BSDC1: variants seen among roughly 807,000 people sequenced by gnomAD.
BSDC1 encodes BSD domain-containing protein 1.
Under a neutral mutation model 56.0 loss-of-function variants are expected in BSDC1, and 29 were observed. That is an observed-to-expected ratio of 0.52 (90% CI 0.39 to 0.71). The LOEUF (loss-of-function observed/expected upper bound fraction) is 0.71. Among genes scored for constraint, BSDC1 ranks in the 30% least tolerant of loss-of-function variants. BSDC1 has a pLI of 0.00. For synonymous variants in BSDC1, 210 were observed against 215.3 expected (o/e 0.98, Z 0.21); for missense variants, 477 against 548.5 (o/e 0.87, Z 1.30).
intron 2 of BSDC1, among the ~76,000 whole-genome samples, chr1:32,389,024 T>G (rs189296987): frequency 0.01 from 1,522 of 151,242 alleles, 16 homozygotes; most frequent in Non-Finnish European, 0.017. Flanking sequence ...GCGCGATCTC[T>G]GCTCACTGCA....
chr1:32,371,557 G>A (rs1642087887), intron 9 of BSDC1, among the ~76,000 whole-genome samples: 2 of 151,880 alleles, frequency 1.3e-5, no homozygotes, highest in South Asian at 2.1e-4. Context: ...TGATCTGCCC[G>A]CCTCGGCTTC....
intron 2 of BSDC1, among the ~76,000 whole-genome samples, chr1:32,390,350 G>A (rs772774608): frequency 6.6e-6 from 1 of 152,186 alleles, no homozygotes; most frequent in Non-Finnish European, 1.5e-5. Flanking sequence ...AAGATGGAGA[G>A]GATGAGACTG....
At chr1:32,394,211 C>T in intron 1 of BSDC1, 71 bp from the exon 2 acceptor site, 1 of 1,577,158 alleles carries the variant, frequency 6.3e-7, no homozygotes, top group Non-Finnish European at 8.6e-7. Flanking sequence ...GGTTTGTTCC[C>T]CGCTCAGATG....
rs1031303126 is a variant in BSDC1, at chr1:32,364,701, A to G, written c.*1921T>C. ...GATCCACCCACCTTGGCCTCCCAAA[A>G]TGTTGGGATTACAGGCATGAGCCAC... On this transcript the variant is annotated 3_prime_UTR_variant, in exon 11 of 11. Coordinates refer to ENST00000455895, the MANE Select transcript of BSDC1 (RefSeq NM_018045.8). 5.9e-5 allele frequency among the ~76,000 whole-genome samples: 9 copies of G among 152,172 alleles called. No individual in the cohort carries two copies. Among genetic ancestry groups the G allele is most frequent in the Middle Eastern group, 3.2e-3 (1 of 316 alleles).
chr1:32,383,604 A>G (rs964459139), intron 4 of BSDC1, among the ~76,000 whole-genome samples: 1 of 152,228 alleles, frequency 6.6e-6, no homozygotes, highest in African/African-American at 2.4e-5. Context: ...AACAAATGTA[A>G]GGTTATATAC....
At position 32,376,686 on chromosome 1, in the gene BSDC1, G is replaced by A. The variant is rs1557643027; in HGVS notation, c.732C>T (p.Ala244=). 11 of 1,421,544 alleles carry A rather than the reference G, an allele frequency of 7.7e-6. No individual in the cohort carries two copies. Among genetic ancestry groups the A allele is most frequent in the Non-Finnish European group, 1.0e-5 (11 of 1,075,938 alleles). 88.1% of individuals were successfully genotyped at this position (1,421,544 alleles called of 1,614,324 possible). A position where few individuals can be genotyped will look rare whatever the true frequency, so the allele number is the denominator to read the frequency against. ...ISPKEAKVPV[A]KISTFPEGEP... is the part of the protein sequence containing the mutation. ...CTCCTTCAGGGAATGTAGAAATTTT[G>A]GCCACAGGAACCTTTGCCTCTTTTG... The change falls in exon 9 of 11, where the codon GCC becomes GCT. Residue 244 remains alanine (A), a synonymous_variant. Transcript: ENST00000455895.
chr1:32,390,648 T>C (rs1027246320), intron 2 of BSDC1, among the ~76,000 whole-genome samples: 1 of 152,144 alleles, frequency 6.6e-6, no homozygotes, highest in Non-Finnish European at 1.5e-5. Flanking sequence ...TGGTGGCTCA[T>C]GCCTGTAGTC....
At chr1:32,393,083 C>T (rs1385547884) in intron 2 of BSDC1, among the ~76,000 whole-genome samples, 1 of 152,082 alleles carries the variant, frequency 6.6e-6, no homozygotes, top group Non-Finnish European at 1.5e-5. Flanking sequence ...CAAAAATACT[C>T]CCAGAGTAGA....
chr1:32,382,852 A>G (rs1405260892), intron 4 of BSDC1, among the ~76,000 whole-genome samples: 3 of 141,524 alleles, frequency 2.1e-5, no homozygotes, highest in African/African-American at 8.3e-5. Context: ...CCTGGGTGAC[A>G]GAGTGAGACC....
At chr1:32,384,554 G>T (rs949517868) in intron 3 of BSDC1, among the ~76,000 whole-genome samples, 5 of 152,112 alleles carry the variant, frequency 3.3e-5, no homozygotes, top group African/African-American at 1.2e-4. Flanking sequence ...CTGCAGCATT[G>T]TAATACTGCA....
At chr1:32,386,547 T>C (rs1007146573) in intron 3 of BSDC1, 1 of 403,210 alleles carries the variant, frequency 2.5e-6, no homozygotes, top group African/African-American at 2.1e-5. Context: ...ATGAATGACT[T>C]TGCTAATGGA....
chr1:32,379,861 T>A (rs1642422185), intron 5 of BSDC1, among the ~76,000 whole-genome samples: 1 of 152,224 alleles, frequency 6.6e-6, no homozygotes, highest in Admixed American at 6.5e-5. Flanking sequence ...TAACTGGTCT[T>A]CCTGTCTTCT....
intron 5 of BSDC1, among the ~76,000 whole-genome samples, chr1:32,379,715 C>T (rs970013491): frequency 3.3e-5 from 5 of 152,284 alleles, no homozygotes; most frequent in African/African-American, 7.2e-5. Flanking sequence ...CTCAACCTTC[C>T]GAATAGCTGA....
intron 4 of BSDC1, among the ~76,000 whole-genome samples, chr1:32,383,140 T>C (rs181553181): frequency 2.4e-4 from 37 of 152,186 alleles, no homozygotes; most frequent in African/African-American, 8.7e-4. Context: ...TGTAAGAATT[T>C]AAAGACATTA....
intron 1 of BSDC1, 117 bp downstream of exon 1, chr1:32,394,287 C>T: frequency 6.3e-7 from 1 of 1,584,128 alleles, no homozygotes; most frequent in Admixed American, 1.7e-5. Flanking sequence ...CCACTCTGCC[C>T]TTTCAGATCA....
intron 9 of BSDC1, among the ~76,000 whole-genome samples, chr1:32,373,623 T>C (rs565307174): frequency 1.1e-4 from 17 of 152,150 alleles, no homozygotes; most frequent in African/African-American, 4.1e-4. Flanking sequence ...CCCACTCAGG[T>C]GATCCTCCCA....
rs556147035 is a variant in BSDC1, at chr1:32,372,047, T to C, written c.1157-3497A>G. Among the ~76,000 whole-genome samples, 140 of 152,344 alleles carry C rather than the reference T, an allele frequency of 9.2e-4. 1 individual carries two copies. Among genetic ancestry groups the C allele is most frequent in the African/African-American group, 3.3e-3 (139 of 41,572 alleles). ...ATTATAAGCAGGTACCTGTGTGTTC[T>C]GTGTAGACCTGGCCCTGCCGTTTGA... is the stretch of plus-strand genomic sequence containing the variant. On this transcript the variant is annotated intron_variant, in intron 9 of 10. Coordinates refer to ENST00000455895, the MANE Select transcript of BSDC1 (RefSeq NM_018045.8).
intron 2 of BSDC1, among the ~76,000 whole-genome samples, chr1:32,387,551 G>C (rs1393175063): frequency 6.6e-6 from 1 of 152,168 alleles, no homozygotes; most frequent in Non-Finnish European, 1.5e-5. Flanking sequence ...ATGTTGGTCA[G>C]GCTGGTCTCG....
chr1:32,366,546 T>G lies in BSDC1; in HGVS notation c.*76A>C. 7.5e-7 allele frequency: 1 copy of G among 1,336,726 alleles called. No individual in the cohort carries two copies. The highest frequency in any genetic ancestry group is 1.1e-6 in the Non-Finnish European group (1 of 950,856). The allele number at this position is 1,336,726 out of a possible 1,614,324, so 82.8% of individuals were successfully genotyped here. A position where few individuals can be genotyped will look rare whatever the true frequency, so the allele number is the denominator to read the frequency against. ...AGGAGATTTGGGGGAACATTCTCAG[T>G]CTTCCAGGGCTGGGCTGAGACGAGC... is the stretch of plus-strand genomic sequence containing the variant. On this transcript the variant is annotated 3_prime_UTR_variant, in exon 11 of 11. Transcript: ENST00000455895.
Sources: gnomAD v4.1 joint callset for allele counts (sites outside exome capture counted in the v4.1 genomes callset) on GRCh38, gnomAD v4.1.1 for gene constraint, MANE v1.5 for transcripts, NCBI Gene and HGNC (gene_info 2026-07-23, HGNC 2026-07-21) for gene names.